Variants in SEC22B observed in about 807,000 individuals in gnomAD.
SEC22B encodes the protein SEC22 homolog B, vesicle trafficking protein, also known as vesicle-trafficking protein SEC22b.
SEC22B carries 10 observed loss-of-function variants against 31.4 expected under a neutral mutation model. The ratio of observed to expected loss-of-function variants is 0.32; its 90% CI spans 0.20 to 0.54. SEC22B has a LOEUF of 0.54. Among genes scored for constraint, SEC22B ranks in the 20% least tolerant of loss-of-function variants. SEC22B has a pLI of 0.94. For missense variants in SEC22B, 130 were observed against 263.4 expected (o/e 0.49, Z 3.50); for synonymous variants, 60 against 95.9 (o/e 0.63, Z 2.19).
At chr1:120,175,453 T>C (rs1324417574) in intron 1 of SEC22B, among the ~76,000 whole-genome samples, 1 of 147,996 alleles carries the variant, frequency 6.8e-6, no homozygotes, top group Admixed American at 6.7e-5. Flanking sequence ...TAAAATAAAA[T>C]TGATCACTTT....
chr1:120,163,709 G>T (rs1657756721), intron 2 of SEC22B, among the ~76,000 whole-genome samples: 1 of 151,694 alleles, frequency 6.6e-6, no homozygotes. Flanking sequence ...CCGAGCAGCT[G>T]GGACTACAGG....
chr1:120,176,516 G>A lies in SEC22B; in HGVS notation c.-135C>T. ...GCTGCTTGCGTCTCCGCTTCCCGCT[G>A]AGGTGGCCGGAAACAGCGCAAGAGC... On this transcript the variant is annotated 5_prime_UTR_variant, in exon 1 of 5. Transcript: ENST00000578049. 1.3e-6 allele frequency: 1 copy of A among 776,220 alleles called. No individual in the cohort carries two copies. Among genetic ancestry groups the A allele is most frequent in the East Asian group, 2.8e-5 (1 of 35,768 alleles). The allele number at this position is 776,220 out of a possible 1,614,324, so 48.1% of individuals were successfully genotyped here.
intron 2 of SEC22B, among the ~76,000 whole-genome samples, chr1:120,165,438 A>C (rs1273413085): frequency 3.3e-5 from 5 of 152,300 alleles, no homozygotes; most frequent in Admixed American, 3.3e-4. Context: ...AATTCTTAGA[A>C]AAATGTTAGG....
chr1:120,161,105 TC>T (rs1657709327), intron 3 of SEC22B, among the ~76,000 whole-genome samples: 1 of 152,136 alleles, frequency 6.6e-6, no homozygotes, highest in African/African-American at 2.4e-5. Context: ...GCTATCAGAA[TC>T]CTTAGAGAAA....
At chr1:120,167,009 A>T (rs1402290519) in intron 2 of SEC22B, among the ~76,000 whole-genome samples, 20 of 144,950 alleles carry the variant, frequency 1.4e-4, no homozygotes, top group Non-Finnish European at 2.1e-4. Context: ...TGCCCTTTCT[A>T]TGTGGCTCCT....
intron 3 of SEC22B, among the ~76,000 whole-genome samples, chr1:120,160,999 A>G (rs1489319828): frequency 7.7e-4 from 118 of 152,328 alleles, no homozygotes; most frequent in Middle Eastern, 3.4e-3. Flanking sequence ...GGCTTTGATT[A>G]TTTCATTTGT....
At chr1:120,163,721 G>A (rs1302472982) in intron 2 of SEC22B, among the ~76,000 whole-genome samples, 15 of 151,606 alleles carry the variant, frequency 9.9e-5, no homozygotes, top group Non-Finnish European at 1.5e-4. Context: ...GACTACAGGC[G>A]TGCGCCACTA....
chr1:120,159,615 C>T (rs1426032645), intron 4 of SEC22B, among the ~76,000 whole-genome samples: 1 of 150,836 alleles, frequency 6.6e-6, no homozygotes, highest in Non-Finnish European at 1.5e-5. Context: ...AACACACATA[C>T]ATGTAATATG....
At chr1:120,160,615 C>A (rs1380874547) in intron 3 of SEC22B, 85 bp from the exon 4 acceptor site, 25 of 1,240,206 alleles carry the variant, frequency 2.0e-5, no homozygotes, top group African/African-American at 1.5e-4. Context: ...GTTGGCCAGG[C>A]GCGGTGGCTC....
At chr1:120,176,285 G>A in intron 1 of SEC22B, 22 bp downstream of exon 1, 4 of 1,604,236 alleles carry the variant, frequency 2.5e-6, no homozygotes, top group South Asian at 1.1e-5. Flanking sequence ...TTGGGGTCGC[G>A]GGTCGTGAGT....
chr1:120,152,687 T>C lies in SEC22B; in HGVS notation c.*4351A>G, dbSNP rs1379247362. On this transcript the variant is annotated 3_prime_UTR_variant, in exon 5 of 5. Coordinates refer to ENST00000578049, the MANE Select transcript of SEC22B (RefSeq NM_004892.6). Reference sequence around the variant, plus strand: ...AAAAGAATAAAGGAAGACGTGATAATGAAGTAAATTTAAAAAGTACGGAAT... The same window carrying C: ...AAAAGAATAAAGGAAGACGTGATAACGAAGTAAATTTAAAAAGTACGGAAT... The C allele has an allele frequency of 6.9e-6, 1 of 144,694 alleles. No individual in the cohort carries two copies. The highest frequency in any genetic ancestry group is 1.5e-5 in the Non-Finnish European group (1 of 67,548). The allele number at this position is 144,694 out of a possible 1,614,324, so 9.0% of individuals were successfully genotyped here. A position where few individuals can be genotyped will look rare whatever the true frequency, so the allele number is the denominator to read the frequency against.
Position 120,161,391 on chromosome 1 carries a change from C to A in SEC22B, c.347-861G>T, listed in dbSNP as rs1225177300. On this transcript the variant is annotated intron_variant, in intron 3 of 4. Coordinates refer to ENST00000578049, the MANE Select transcript of SEC22B (RefSeq NM_004892.6). ...TAGGGAGTTTTCCAAAATACCAATA[C>A]AAAACTGAACTGAAGTCTCGGCCAG... Among the ~76,000 whole-genome samples the A allele has an allele frequency of 2.0e-5, 3 of 151,218 alleles. No individual in the cohort carries two copies. In the East Asian group the frequency reaches 5.8e-4, roughly 29 times the overall value.
chr1:120,161,185 G>A lies in SEC22B; in HGVS notation c.347-655C>T, dbSNP rs1172438597. Among the ~76,000 whole-genome samples, 232 of 152,150 alleles carry A rather than the reference G, an allele frequency of 1.5e-3. 1 individual carries two copies. The Middle Eastern group carries it at 0.017, about 11-fold the overall frequency. On this transcript the variant is annotated intron_variant, in intron 3 of 4. Transcript: ENST00000578049. Reference sequence around the variant, plus strand: ...CAAACAGTATTCTGAGGACCCTTAGGCTAAGTGTTACTTACCTCTACACAT... The same window carrying A: ...CAAACAGTATTCTGAGGACCCTTAGACTAAGTGTTACTTACCTCTACACAT...
intron 1 of SEC22B, among the ~76,000 whole-genome samples, chr1:120,170,710 T>C (rs1657882084): frequency 1.4e-5 from 2 of 145,534 alleles, no homozygotes; most frequent in South Asian, 4.3e-4. Context: ...GTTTTATATA[T>C]TAAACAGTAC....
intron 3 of SEC22B, among the ~76,000 whole-genome samples, chr1:120,162,783 T>C (rs1355020070): frequency 3.9e-5 from 6 of 152,176 alleles, no homozygotes; most frequent in African/African-American, 1.4e-4. Flanking sequence ...CTTATTCTAC[T>C]AAAAGAAACA....
At chr1:120,163,072 G>A in intron 3 of SEC22B, 138 bp downstream of exon 3, 1 of 535,732 alleles carries the variant, frequency 1.9e-6, no homozygotes, top group Non-Finnish European at 3.1e-6. Flanking sequence ...AAAAGAAGTG[G>A]AATGGAAAAG....
Position 120,163,358 on chromosome 1 carries a change from C to T in SEC22B, c.198G>A (p.Glu66=), listed in dbSNP as rs1431662089. 9.4e-6 allele frequency: 15 copies of T among 1,595,972 alleles called. No individual in the cohort carries two copies. The highest frequency in any genetic ancestry group is 1.1e-5 in the Non-Finnish European group (13 of 1,172,030). ...AGAMTFHYII[E]QGVCYLVLCE... is the part of the protein sequence containing the mutation. The stretch of plus-strand genomic sequence containing the variant: ...ATAAAACCAAATAACACACCCCCTG[C>T]TCAATAATGTAGCTGGTGAGACATA... The change falls in exon 3 of 5, where the codon GAG becomes GAA. Residue 66 remains glutamate (E), a synonymous_variant. Transcript: ENST00000578049.
chr1:120,169,994 GACCCCA>G (rs1657869881), intron 1 of SEC22B, among the ~76,000 whole-genome samples: 1 of 151,712 alleles, frequency 6.6e-6, no homozygotes, highest in Non-Finnish European at 1.5e-5. Flanking sequence ...TTATAAAAGA[GACCCCA>G]GAGGGCTAGC....
At position 120,151,775 on chromosome 1, in the gene SEC22B, A is replaced by G. The variant is rs1553228754; in HGVS notation, c.*5263T>C. The G allele has an allele frequency of 4.6e-5, 7 of 151,938 alleles. No individual in the cohort carries two copies. The South Asian group carries it at 1.5e-3, about 33-fold the overall frequency. The allele number at this position is 151,938 out of a possible 1,614,324, so 9.4% of individuals were successfully genotyped here. On this transcript the variant is annotated 3_prime_UTR_variant, in exon 5 of 5. Coordinates refer to ENST00000578049, the MANE Select transcript of SEC22B (RefSeq NM_004892.6). ...TACTCCAAGAATCCATGTTAAAGTT[A>G]ATGAGGGCTTGAACCCAAACATAAA...
Sources: gnomAD v4.1 joint callset for allele counts (sites outside exome capture counted in the v4.1 genomes callset) on GRCh38, gnomAD v4.1.1 for gene constraint, MANE v1.5 for transcripts, NCBI Gene and HGNC (gene_info 2026-07-23, HGNC 2026-07-21) for gene names.